XRN1: variants seen among roughly 807,000 people sequenced by gnomAD.
The protein encoded by XRN1 is 5'-3' exoribonuclease 1.
XRN1 carries 67 observed loss-of-function variants against 222.3 expected under a neutral mutation model. The observed-to-expected ratio is 0.30, with a 90% CI of 0.25 to 0.37. The LOEUF is 0.37. XRN1 is among the 10% of genes least tolerant of loss of function. XRN1 has a pLI of 1.00. For synonymous variants in XRN1, 643 were observed against 652.4 expected (o/e 0.99, Z 0.22); for missense variants, 1,707 against 2,000.2 (o/e 0.85, Z 2.80).
chr3:142,380,276 G>C (rs2067264314), intron 22 of XRN1, 96 bp from the exon 23 acceptor site: 2 of 988,578 alleles, frequency 2.0e-6, no homozygotes, highest in Admixed American at 5.1e-5. Flanking sequence ...AGTATGACAA[G>C]TTGGATAGTG....
chr3:142,380,025 CTAA>C, intron 23 of XRN1, 54 bp downstream of exon 23: 1 of 1,400,198 alleles, frequency 7.1e-7, no homozygotes. Flanking sequence ...CAAAAATATC[CTAA>C]TATTTTAAAA....
chr3:142,440,152 C>A (rs1188659292), intron 1 of XRN1, among the ~76,000 whole-genome samples: 3 of 152,148 alleles, frequency 2.0e-5, no homozygotes, highest in African/African-American at 7.2e-5. Flanking sequence ...ACTGGCACGG[C>A]CTTCTCAGTC....
At chr3:142,363,716 C>G (rs1472834359) in intron 29 of XRN1, among the ~76,000 whole-genome samples, 1 of 151,956 alleles carries the variant, frequency 6.6e-6, no homozygotes, top group Non-Finnish European at 1.5e-5. Flanking sequence ...GTTTTGAAAT[C>G]AGGTAGGGTA....
chr3:142,393,459 G>T (rs2067811626), intron 20 of XRN1, among the ~76,000 whole-genome samples: 1 of 147,260 alleles, frequency 6.8e-6, no homozygotes, highest in Admixed American at 6.8e-5. Context: ...ATGGTTTTAG[G>T]TCTAACGTTT....
chr3:142,443,203 G>C (rs1405570583), intron 1 of XRN1, among the ~76,000 whole-genome samples: 1 of 152,126 alleles, frequency 6.6e-6, no homozygotes, highest in Non-Finnish European at 1.5e-5. Flanking sequence ...GACATCAAAG[G>C]CACCCCTCCC....
chr3:142,332,324 G>A, intron 36 of XRN1, 51 bp downstream of exon 36: 2 of 1,313,306 alleles, frequency 1.5e-6, no homozygotes, highest in Non-Finnish European at 2.1e-6. Context: ...AGAACCAAAT[G>A]AATTGAATTT....
chr3:142,340,484 G>A (rs1293055086), intron 33 of XRN1, among the ~76,000 whole-genome samples: 3 of 151,610 alleles, frequency 2.0e-5, no homozygotes, highest in Non-Finnish European at 4.4e-5. Flanking sequence ...AGAAGGTAGA[G>A]AAAGAGGGGT....
intron 39 of XRN1, among the ~76,000 whole-genome samples, chr3:142,313,646 G>A (rs568426226): frequency 6.6e-6 from 1 of 152,162 alleles, no homozygotes; most frequent in Non-Finnish European, 1.5e-5. Flanking sequence ...TTTAGGTTAG[G>A]AGAGAAGAAT....
chr3:142,378,256 G>T (rs763044166), intron 23 of XRN1, among the ~76,000 whole-genome samples: 6 of 152,186 alleles, frequency 3.9e-5, no homozygotes, highest in Non-Finnish European at 8.8e-5. Flanking sequence ...TAACTTAAAT[G>T]CAATTTTCCA....
chr3:142,321,280 C>T (rs1192036943), intron 37 of XRN1, among the ~76,000 whole-genome samples: 2 of 151,816 alleles, frequency 1.3e-5, no homozygotes, highest in African/African-American at 4.8e-5. Flanking sequence ...CCATCATGTC[C>T]AGCTAATTCT....
chr3:142,404,851 G>A (rs375398417), intron 16 of XRN1, 56 bp downstream of exon 16: 26 of 1,560,136 alleles, frequency 1.7e-5, no homozygotes, highest in Middle Eastern at 3.4e-4. Context: ...ACCACTTCTC[G>A]CACCCTTGTG....
At chr3:142,401,003 T>C (rs1400994266) in intron 18 of XRN1, among the ~76,000 whole-genome samples, 1 of 151,854 alleles carries the variant, frequency 6.6e-6, no homozygotes, top group Non-Finnish European at 1.5e-5. Flanking sequence ...TAAAACTCTA[T>C]CATTCTAATT....
Position 142,432,710 on chromosome 3 carries a change from C to A in XRN1, c.259G>T (p.Gly87Cys). 1 of 1,612,430 alleles carries A rather than the reference C, an allele frequency of 6.2e-7. No homozygotes were observed. Among genetic ancestry groups the A allele is most frequent in the Non-Finnish European group, 8.5e-7 (1 of 1,179,232 alleles). ...PRKVFFMAVD[G>C]VAPRAKMNQQ... ...TTCATTTTTGCTCGAGGAGCCACACCATCTACAGCCATAAAGAACACTTTC... is the reference window on the plus strand; with the variant it reads ...TTCATTTTTGCTCGAGGAGCCACACAATCTACAGCCATAAAGAACACTTTC... The change falls in exon 2 of 41, where the codon GGT becomes TGT. Residue 87 changes from glycine to cysteine, a missense_variant. Transcript: ENST00000392981.
intron 13 of XRN1, 155 bp from the exon 14 acceptor site, chr3:142,414,446 A>C (rs2068707949): frequency 3.6e-6 from 2 of 552,412 alleles, no homozygotes; most frequent in Non-Finnish European, 2.7e-6. Context: ...AGAAATTAGC[A>C]GTGTTGGAAA....
At chr3:142,419,758 A>C (rs931808949) in intron 10 of XRN1, among the ~76,000 whole-genome samples, 3 of 152,066 alleles carry the variant, frequency 2.0e-5, no homozygotes, top group Non-Finnish European at 4.4e-5. Flanking sequence ...CAGTGAGCCA[A>C]GATCGCGCCA....
Position 142,309,382 on chromosome 3 carries a change from C to T in XRN1, c.*2129G>A, listed in dbSNP as rs1334474870. 6.6e-6 allele frequency: 1 copy of T among 152,130 alleles called. No homozygotes were observed. The highest frequency in any genetic ancestry group is 1.5e-5 in the Non-Finnish European group (1 of 68,074). 9.4% of individuals were successfully genotyped at this position (152,130 alleles called of 1,614,324 possible). ...GGGACTAAAGGCATGTGCCATCACG[C>T]CCGGCTAATTTTTGTATTTTTAGTA... On this transcript the variant is annotated 3_prime_UTR_variant, in exon 41 of 41. Transcript: ENST00000392981.
chr3:142,353,727 AG>A (rs1336160473), intron 32 of XRN1, among the ~76,000 whole-genome samples: 1 of 152,220 alleles, frequency 6.6e-6, no homozygotes, highest in African/African-American at 2.4e-5. Context: ...TAAGAATCCT[AG>A]AAGAAAATCC....
At position 142,355,452 on chromosome 3, in the gene XRN1, G is replaced by A. The variant is rs371049860; in HGVS notation, c.3717C>T (p.Ser1239=). 6 of 1,599,428 alleles carry A rather than the reference G, an allele frequency of 3.8e-6. No homozygotes were observed. The African/African-American group carries it at 5.4e-5, about 14-fold the overall frequency. ...ATTGCATCTTTCCAGATCCCTGTAA[G>A]GACTGCCAAATGTTGCAGAATTCAT... ...DDDEFCNIWQ[S]LQGSGKMQYF... is the part of the protein sequence containing the mutation. The change falls in exon 32 of 41, where the codon TCC becomes TCT. Residue 1239 remains serine (S), a synonymous_variant. Transcript: ENST00000392981.
chr3:142,363,019 C>T (rs1055358529), intron 29 of XRN1, among the ~76,000 whole-genome samples: 4 of 152,110 alleles, frequency 2.6e-5, no homozygotes, highest in Admixed American at 1.3e-4. Flanking sequence ...AAGCAATCCT[C>T]CCGCCTTGGC....
Sources: gnomAD v4.1 joint callset for allele counts (sites outside exome capture counted in the v4.1 genomes callset) on GRCh38, gnomAD v4.1.1 for gene constraint, MANE v1.5 for transcripts, NCBI Gene and HGNC (gene_info 2026-07-23, HGNC 2026-07-21) for gene names.